The following ANKRD46 variants were observed in gnomAD, a reference collection of about 807,000 sequenced individuals.
The protein encoded by ANKRD46 is ankyrin repeat domain 46.
ANKRD46 carries 13 observed loss-of-function variants against 19.8 expected under a neutral mutation model. That is an observed-to-expected ratio of 0.66 (90% CI 0.43 to 1.04). The LOEUF is 1.04. Ranked by LOEUF, ANKRD46 falls within the 50% of genes least tolerant of loss-of-function variation. The probability of loss-of-function intolerance (pLI) is 0.00; values close to 1 mark genes in which losing one functional copy is unlikely to be tolerated. For synonymous variants in ANKRD46, 91 were observed against 106.9 expected (o/e 0.85, Z 0.92); for missense variants, 185 against 274.8 (o/e 0.67, Z 2.31).
At chr8:100,554,759 G>A (rs1812460855) in intron 1 of ANKRD46, 1 of 151,754 alleles carries the variant, frequency 6.6e-6, no homozygotes. Context: ...TACTTAGCCA[G>A]GTGCAGTGGC....
At chr8:100,523,375 T>C (rs1811773240) in intron 4 of ANKRD46, among the ~76,000 whole-genome samples, 2 of 150,550 alleles carry the variant, frequency 1.3e-5, no homozygotes, top group East Asian at 4.0e-4. Context: ...AGAGAGGCCT[T>C]AGAAGAAACC....
At chr8:100,556,422 G>T (rs1303809032) in intron 1 of ANKRD46, 1 of 152,188 alleles carries the variant, frequency 6.6e-6, no homozygotes, top group Non-Finnish European at 1.5e-5. Context: ...TCAGCAGTAG[G>T]ATAGCTATTT....
chr8:100,523,133 G>A (rs1217001921), intron 4 of ANKRD46, among the ~76,000 whole-genome samples: 2 of 149,636 alleles, frequency 1.3e-5, no homozygotes, highest in Non-Finnish European at 3.0e-5. Flanking sequence ...TTCGGGACCA[G>A]CCTGGGTAAC....
In ANKRD46 at chr8:100,550,180, C is replaced by T. The variant is rs1467985728; in HGVS notation, c.-131+9531G>A. On this transcript the variant is annotated intron_variant, in intron 1 of 4. Coordinates refer to ENST00000335659, the MANE Select transcript of ANKRD46 (RefSeq NM_001270377.2). This position sits in a 1 kb window ranked among gnomAD's most constrained non-coding sequence, Gnocchi z 4.4. ...AGTTTTTCACTCCTTTGGGTAAATA[C>T]CAAGGAGCATGATTGCTGGATGGTA... Among the ~76,000 whole-genome samples, 10 of 152,180 alleles carry T rather than the reference C, an allele frequency of 6.6e-5. No homozygotes were observed. The highest frequency in any genetic ancestry group is 1.3e-4 in the Non-Finnish European group (9 of 68,046).
chr8:100,546,814 C>T lies in ANKRD46; in HGVS notation c.-131+12897G>A, dbSNP rs1346899956. ...TGCTCAAGGCCGTGGGAGCACACCC[C>T]TTGCATCAGCATACCCTGGATGTGA... On this transcript the variant is annotated intron_variant, in intron 1 of 4. Transcript: ENST00000335659. The surrounding 1 kb of genome is among the most constrained non-coding windows in gnomAD (Gnocchi z 4.0). Among the ~76,000 whole-genome samples, 4 of 152,222 alleles carry T rather than the reference C, an allele frequency of 2.6e-5. No individual in the cohort carries two copies. The highest frequency in any genetic ancestry group is 7.2e-5 in the African/African-American group (3 of 41,472).
intron 2 of ANKRD46, among the ~76,000 whole-genome samples, chr8:100,530,857 A>T (rs563157832): frequency 2.6e-5 from 4 of 152,280 alleles, no homozygotes; most frequent in South Asian, 2.1e-4. Context: ...AGACTGAGAG[A>T]TGAGGGGAAA....
At position 100,529,475 on chromosome 8, in the gene ANKRD46, G is replaced by A. The variant is rs376330837; in HGVS notation, c.311+48C>T. ...CCCAAGATAAGATTATCAGTTGAGA[G>A]ATTAATGGGAAGAAATGACTAGACT... On this transcript the variant is annotated intron_variant, in intron 3 of 4. Transcript: ENST00000335659. This position sits in a 1 kb window ranked among gnomAD's most constrained non-coding sequence, Gnocchi z 5.8. 23 of 1,539,024 alleles carry A rather than the reference G, an allele frequency of 1.5e-5. No homozygotes were observed. In the African/African-American group the frequency reaches 2.5e-4, roughly 16 times the overall value.
intron 1 of ANKRD46, among the ~76,000 whole-genome samples, chr8:100,548,098 G>A (rs1362236633): frequency 2.1e-5 from 3 of 145,764 alleles, no homozygotes; most frequent in Non-Finnish European, 3.0e-5. Context: ...TCTACAATCC[G>A]TTCTCAATAC....
At chr8:100,513,442 C>A (rs1362333162) in intron 5 of ANKRD46, among the ~76,000 whole-genome samples, 1 of 152,132 alleles carries the variant, frequency 6.6e-6, no homozygotes, top group Non-Finnish European at 1.5e-5. Flanking sequence ...TTGTATTAAT[C>A]GTGATAGGTC....
chr8:100,520,621 T>G (rs1811704694), downstream of ANKRD46, among the ~76,000 whole-genome samples: 2 of 151,314 alleles, frequency 1.3e-5, no homozygotes, highest in Non-Finnish European at 2.9e-5. Context: ...ACAGTATTTA[T>G]AAGGCAAACA....
rs1422074972 is a variant in ANKRD46, at chr8:100,514,686, A to G, written c.637-4047T>C. 3.0e-4 allele frequency among the ~76,000 whole-genome samples: 39 copies of G among 129,418 alleles called. No homozygotes were observed. In the Admixed American group the frequency reaches 3.3e-3, roughly 11 times the overall value. The allele number at this position is 129,418 out of a possible 152,430, so 84.9% of individuals were successfully genotyped here. Reference sequence around the variant, plus strand: ...ACCCAGGCTGGAGTGCAGTGGTGCAATCTCGGCTTACTGCAACCTCCACCC... The same window carrying G: ...ACCCAGGCTGGAGTGCAGTGGTGCAGTCTCGGCTTACTGCAACCTCCACCC... On this transcript the variant is annotated intron_variant, in intron 5 of 5. Coordinates refer to the ANKRD46 transcript ENST00000520552.
rs1294154493 is a variant in ANKRD46, at chr8:100,544,603, A to G, written c.-130-11292T>C. On this transcript the variant is annotated intron_variant, in intron 1 of 4. Transcript: ENST00000335659. This position sits in a 1 kb window ranked among gnomAD's most constrained non-coding sequence, Gnocchi z 4.4. ...GATAAGCACTAAGTACTAGACACCA[A>G]TCAAAACGTTTGTATCTTAGGTCCT... Among the ~76,000 whole-genome samples, 2 of 152,140 alleles carry G rather than the reference A, an allele frequency of 1.3e-5. No homozygotes were observed. Among genetic ancestry groups the G allele is most frequent in the African/African-American group, 4.8e-5 (2 of 41,424 alleles).
At chr8:100,549,835 G>A (rs1812345612) in intron 1 of ANKRD46, among the ~76,000 whole-genome samples, 1 of 152,104 alleles carries the variant, frequency 6.6e-6, no homozygotes, top group Non-Finnish European at 1.5e-5. Context: ...AAAATTTTCT[G>A]GGCTCTGCCT....
At chr8:100,547,882 G>A (rs568861924) in intron 1 of ANKRD46, among the ~76,000 whole-genome samples, 70 of 152,264 alleles carry the variant, frequency 4.6e-4, no homozygotes, top group South Asian at 2.3e-3. Context: ...TATACATGAA[G>A]TTTTCCAATG....
rs1811711399 is a variant in ANKRD46 at position 100,520,885 on chromosome 8, T to G, written c.*1670A>C. 11 of 983,794 alleles carry G rather than the reference T, an allele frequency of 1.1e-5. No homozygotes were observed. Among genetic ancestry groups the G allele is most frequent in the South Asian group, 4.7e-5 (1 of 21,260 alleles). 60.9% of individuals were successfully genotyped at this position (983,794 alleles called of 1,614,324 possible). ...ACCATTAATCTTTAAAAATGCTATA[T>G]ACTTACATTTTGACCAATTTTGCAT... is the stretch of plus-strand genomic sequence containing the variant. On this transcript the variant is annotated 3_prime_UTR_variant, in exon 5 of 5. Coordinates refer to ENST00000335659, the MANE Select transcript of ANKRD46 (RefSeq NM_001270377.2).
In ANKRD46 at chr8:100,528,005, TAAAAAAAAAAAA is replaced by T; in HGVS notation, c.312-14_312-3del. ...AAAGGGGTAGCACCTTGATGATTGC[TAAAAAAAAAAAA>T]AAAAAAAAAAGTTTATAAAAATAAA... is the stretch of plus-strand genomic sequence containing the variant. On this transcript the variant is annotated splice_region_variant and splice_polypyrimidine_tract_variant and intron_variant, in intron 3 of 4. Coordinates refer to ENST00000335659, the MANE Select transcript of ANKRD46 (RefSeq NM_001270377.2). 2 of 1,164,228 alleles carry T rather than the reference TAAAAAAAAAAAA, an allele frequency of 1.7e-6. No homozygotes were observed. The highest frequency in any genetic ancestry group is 2.8e-4 in the Middle Eastern group (1 of 3,622). The allele number at this position is 1,164,228 out of a possible 1,614,324, so 72.1% of individuals were successfully genotyped here.
chr8:100,555,897 T>C (rs889419879), intron 1 of ANKRD46, among the ~76,000 whole-genome samples: 2 of 152,206 alleles, frequency 1.3e-5, no homozygotes, highest in African/African-American at 4.8e-5. Flanking sequence ...GTATTTGCTA[T>C]GGAAAAGGCA....
At chr8:100,517,005 G>C (rs1334278797), downstream of ANKRD46, among the ~76,000 whole-genome samples, 2 of 152,170 alleles carry the variant, frequency 1.3e-5, no homozygotes, top group Non-Finnish European at 2.9e-5. Flanking sequence ...CTTACTGGCC[G>C]TGTTACCTTG....
intron 2 of ANKRD46, among the ~76,000 whole-genome samples, chr8:100,530,887 G>A (rs1811950410): frequency 6.6e-6 from 1 of 152,156 alleles, no homozygotes; most frequent in African/African-American, 2.4e-5. Context: ...GGCTGTCTGG[G>A]AATACCAAGT....
Sources: allele counts gnomAD v4.1 joint callset (sites outside exome capture counted in the v4.1 genomes callset), GRCh38; gene constraint gnomAD v4.1.1; non-coding constraint Gnocchi (gnomAD v3.1); transcripts MANE v1.5; gene names NCBI Gene and HGNC (gene_info 2026-07-23, HGNC 2026-07-21).